The following CRKL variants were observed in gnomAD, a reference collection of about 807,000 sequenced individuals.
The protein encoded by CRKL is CRK like proto-oncogene, adaptor protein, also known as crk-like protein.
In CRKL, 3 loss-of-function variants were observed where a neutral mutation model predicts 23.0. The observed-to-expected ratio is 0.13, with a 90% CI of 0.06 to 0.34. The LOEUF is 0.34. Ranked by LOEUF, CRKL falls within the 10% of genes least tolerant of loss-of-function variation. The pLI, the probability that CRKL is intolerant of heterozygous loss-of-function variation, is 1.00. For synonymous variants in CRKL, 188 were observed against 160.7 expected (o/e 1.17, Z -1.28); for missense variants, 256 against 394.5 (o/e 0.65, Z 2.97).
chr22:20,933,505 AAAAAT>A (rs1921539749), intron 1 of CRKL, among the ~76,000 whole-genome samples: 1 of 151,914 alleles, frequency 6.6e-6, no homozygotes, highest in South Asian at 2.1e-4. Context: ...CTTCTCTACT[AAAAAT>A]AAAAAAAGTT....
intron 1 of CRKL, among the ~76,000 whole-genome samples, chr22:20,923,819 C>T (rs1921084468): frequency 6.6e-6 from 1 of 151,590 alleles, no homozygotes; most frequent in Non-Finnish European, 1.5e-5. Context: ...CTCAGGGGAT[C>T]TGCTCGCCTC....
chr22:20,920,066 A>C (rs1165985204), intron 1 of CRKL, among the ~76,000 whole-genome samples: 1 of 152,144 alleles, frequency 6.6e-6, no homozygotes, highest in African/African-American at 2.4e-5. Flanking sequence ...CTTAGAACCC[A>C]CTGTAGTGAG....
Position 20,951,136 on chromosome 22 carries a change from C to G in CRKL, c.*1291C>G, listed in dbSNP as rs888667303. Reference sequence around the variant, plus strand: ...AACTTCCTTAAAAAGTGGCGTTGTTCATAGAATCGTTGGACTCATTAATGA... The same window carrying G: ...AACTTCCTTAAAAAGTGGCGTTGTTGATAGAATCGTTGGACTCATTAATGA... On this transcript the variant is annotated 3_prime_UTR_variant, in exon 3 of 3. Transcript: ENST00000354336. 4.3e-6 allele frequency: 1 copy of G among 232,176 alleles called. No individual in the cohort carries two copies. Among genetic ancestry groups the G allele is most frequent in the African/African-American group, 2.2e-5 (1 of 45,296 alleles). The allele number at this position is 232,176 out of a possible 1,614,324, so 14.4% of individuals were successfully genotyped here.
intron 1 of CRKL, among the ~76,000 whole-genome samples, chr22:20,931,561 G>A (rs1921454582): frequency 2.0e-5 from 3 of 152,262 alleles, no homozygotes; most frequent in South Asian, 2.1e-4. Flanking sequence ...TGCAGGGTTC[G>A]TCCCTAAGGC....
At position 20,917,963 on chromosome 22, in the gene CRKL, A is replaced by T. The variant is rs547899646; in HGVS notation, c.29A>T (p.Asp10Val). 6.2e-7 allele frequency: 1 copy of T among 1,613,926 alleles called. No individual in the cohort carries two copies. Among genetic ancestry groups the T allele is most frequent in the South Asian group, 1.1e-5 (1 of 91,070 alleles). MSSARFDSS[D>V]RSAWYMGPVS... Reference sequence around the variant, plus strand: ...TCCTCCGCCAGGTTCGACTCCTCGGACCGCTCCGCCTGGTATATGGGGCCG... The same window carrying T: ...TCCTCCGCCAGGTTCGACTCCTCGGTCCGCTCCGCCTGGTATATGGGGCCG... The change falls in exon 1 of 3, where the codon GAC (aspartate) becomes GTC (valine). Residue 10 changes from aspartate to valine, a missense_variant. Asp to Val is a radical substitution (Grantham distance 152). Around this residue, in one of 3 missense-constraint regions of CRKL, gnomAD observed 85 missense variants for 139.8 expected, o/e 0.61. Coordinates refer to ENST00000354336, the MANE Select transcript of CRKL (RefSeq NM_005207.4).
intron 1 of CRKL, among the ~76,000 whole-genome samples, chr22:20,932,150 C>A (rs911535233): frequency 3.3e-5 from 5 of 151,888 alleles, no homozygotes; most frequent in Non-Finnish European, 5.9e-5. Context: ...GTTCTGTTGC[C>A]CAGGCTGGAG....
intron 1 of CRKL, among the ~76,000 whole-genome samples, chr22:20,933,516 A>G (rs576852795): frequency 2.0e-5 from 3 of 150,838 alleles, no homozygotes; most frequent in Admixed American, 6.6e-5. Context: ...AAAATAAAAA[A>G]AGTTACCTGG....
At chr22:20,923,281 AT>A (rs762552627) in intron 1 of CRKL, among the ~76,000 whole-genome samples, 70 of 145,874 alleles carry the variant, frequency 4.8e-4, no homozygotes, top group African/African-American at 8.3e-4. Flanking sequence ...TAAAAAAAAA[AT>A]TTTTTTTTTT....
chr22:20,941,537 TATG>T lies in CRKL; in HGVS notation c.777+7294_777+7296del, dbSNP rs1569136881. ...TGTATGTGTATATATATATATATTTTATGTGTGTGTGTGTGTGTGTGTGTGTGT... is the reference window on the plus strand; with the variant it reads ...TGTATGTGTATATATATATATATTTTTGTGTGTGTGTGTGTGTGTGTGTGT... On this transcript the variant is annotated intron_variant, in intron 2 of 2. Coordinates refer to ENST00000354336, the MANE Select transcript of CRKL (RefSeq NM_005207.4). 3.1e-5 allele frequency among the ~76,000 whole-genome samples: 2 copies of T among 65,156 alleles called. 1 individual carries two copies. The highest frequency in any genetic ancestry group is 9.3e-4 in the East Asian group (2 of 2,162). 42.7% of individuals were successfully genotyped at this position (65,156 alleles called of 152,430 possible).
At chr22:20,925,424 G>T (rs1441446208) in intron 1 of CRKL, among the ~76,000 whole-genome samples, 1 of 152,140 alleles carries the variant, frequency 6.6e-6, no homozygotes, top group Non-Finnish European at 1.5e-5. Flanking sequence ...GGGAGTTCGA[G>T]ACTGAACCTG....
chr22:20,936,963 C>T (rs529755369), intron 2 of CRKL, among the ~76,000 whole-genome samples: 4 of 151,928 alleles, frequency 2.6e-5, no homozygotes, highest in African/African-American at 7.2e-5. Flanking sequence ...TGGGCTCAAG[C>T]GATTCTTCTG....
At chr22:20,927,182 T>C (rs1009092641) in intron 1 of CRKL, among the ~76,000 whole-genome samples, 1 of 110,492 alleles carries the variant, frequency 9.1e-6, no homozygotes, top group African/African-American at 3.1e-5. Flanking sequence ...TTAGCTCATC[T>C]TGGAATTGAA....
At chr22:20,926,910 G>A (rs1242605510) in intron 1 of CRKL, among the ~76,000 whole-genome samples, 2 of 151,744 alleles carry the variant, frequency 1.3e-5, no homozygotes, top group African/African-American at 4.8e-5. Flanking sequence ...TCATGCGTTC[G>A]AGACCAGCCT....
intron 2 of CRKL, among the ~76,000 whole-genome samples, chr22:20,942,735 C>T (rs1316730840): frequency 1.3e-5 from 2 of 152,096 alleles, no homozygotes; most frequent in South Asian, 2.1e-4. Flanking sequence ...ATTTCTCCTG[C>T]CTCAGCCTCC....
chr22:20,951,284 C>T lies in CRKL; in HGVS notation c.*1439C>T, dbSNP rs945442142. On this transcript the variant is annotated 3_prime_UTR_variant, in exon 3 of 3. Coordinates refer to ENST00000354336, the MANE Select transcript of CRKL (RefSeq NM_005207.4). Reference sequence around the variant, plus strand: ...AGTCTAAGTAAGTGTCTGTGATGCTCCCAAGCAAAGGAAATGCAAGCTCTG... The same window carrying T: ...AGTCTAAGTAAGTGTCTGTGATGCTTCCAAGCAAAGGAAATGCAAGCTCTG... The T allele has an allele frequency of 4.3e-6, 1 of 232,296 alleles. No individual in the cohort carries two copies. The highest frequency in any genetic ancestry group is 8.5e-6 in the Non-Finnish European group (1 of 117,556). The allele number at this position is 232,296 out of a possible 1,614,324, so 14.4% of individuals were successfully genotyped here.
At chr22:20,923,045 CTTTG>C (rs747545095) in intron 1 of CRKL, among the ~76,000 whole-genome samples, 1 of 152,072 alleles carries the variant, frequency 6.6e-6, no homozygotes, top group Non-Finnish European at 1.5e-5. Flanking sequence ...AGGTAGCTTG[CTTTG>C]TTTGACATTT....
intron 2 of CRKL, among the ~76,000 whole-genome samples, chr22:20,946,607 A>C (rs2023716): frequency 0.11 from 17,379 of 152,020 alleles, 1,007 homozygotes; most frequent in African/African-American, 0.13. Flanking sequence ...CCGTGAACTG[A>C]GTTGGTATCT....
intron 2 of CRKL, among the ~76,000 whole-genome samples, chr22:20,938,339 C>G (rs1317689234): frequency 6.6e-6 from 1 of 152,048 alleles, no homozygotes; most frequent in African/African-American, 2.4e-5. Context: ...TCTTTTCTTG[C>G]TGACTTTTCT....
In CRKL at chr22:20,945,827, TCACGGCCTA is replaced by T. The variant is rs558402728; in HGVS notation, c.778-3880_778-3872del. ...CCTTTGTGTCCTCTGTTGTATCTCTTCACGGCCTACACATAGATGTTCAATATTTGTTGA... is the reference window on the plus strand; with the variant it reads ...CCTTTGTGTCCTCTGTTGTATCTCTTCACATAGATGTTCAATATTTGTTGA... On this transcript the variant is annotated intron_variant, in intron 2 of 2. Transcript: ENST00000354336. Among the ~76,000 whole-genome samples the T allele has an allele frequency of 5.7e-3, 873 of 152,242 alleles. 4 individuals are homozygous for T. Among genetic ancestry groups the T allele is most frequent in the African/African-American group, 0.02 (810 of 41,516 alleles).
Sources: gnomAD v4.1 joint callset for allele counts (sites outside exome capture counted in the v4.1 genomes callset) on GRCh38, gnomAD v4.1.1 for gene constraint, gnomAD v4.1.1 regional missense constraint, MANE v1.5 for transcripts, NCBI Gene and HGNC (gene_info 2026-07-23, HGNC 2026-07-21) for gene names.